The following TTN variants were observed in gnomAD, a reference collection of about 807,000 sequenced individuals.
The protein encoded by TTN is connectin.
A neutral mutation model predicts 3,223.0 loss-of-function variants in TTN; 1,525 were observed. The observed-to-expected ratio is 0.47, with a 90% CI of 0.45 to 0.49. The LOEUF (loss-of-function observed/expected upper bound fraction) is 0.49, where lower values mean the gene tolerates loss of function less well. TTN is among the 20% of genes least tolerant of loss of function. The pLI, the probability that TTN is intolerant of heterozygous loss-of-function variation, is 0.00. For synonymous variants in TTN, 14,094 were observed against 15,161.0 expected (o/e 0.93, Z 5.17); for missense variants, 40,786 against 43,424.0 (o/e 0.94, Z 5.40).
rs767475236 is a variant in TTN at position 178,545,960 on chromosome 2, T to G, written c.95276A>C (p.Glu31759Ala). ...ATAGGATAGGGTTGGGCATTCGCCT[T>G]CAACAATCACCCAGTTGAGCCTGCT... ...ETSRLNWVIVEGECPTLSYVV... is the reference protein window; with the variant it reads ...ETSRLNWVIVAGECPTLSYVV... Residue 31759 changes from glutamate (E) to alanine (A), a missense_variant, in exon 343 of 363, where the codon GAA (glutamate) becomes GCA (alanine). By Grantham distance (107) the Glu-to-Ala change is moderately radical. Transcript: ENST00000589042. The G allele has an allele frequency of 6.2e-7, 1 of 1,613,838 alleles. No individual in the cohort carries two copies. Among genetic ancestry groups the G allele is most frequent in the East Asian group, 2.2e-5 (1 of 44,856 alleles).
intron 47 of TTN, among the ~76,000 whole-genome samples, chr2:178,742,665 A>G (rs59479297): frequency 0.033 from 5,027 of 152,246 alleles, 274 homozygotes; most frequent in African/African-American, 0.11. Context: ...AGCAGTGCAT[A>G]ACAGAGACTC....
rs2092217877 is a variant in TTN at position 178,776,296 on chromosome 2, C to T, written c.5568G>A (p.Glu1856=). 1.9e-6 allele frequency: 3 copies of T among 1,613,956 alleles called. No homozygotes were observed. The highest frequency in any genetic ancestry group is 1.3e-5 in the African/African-American group (1 of 74,912). The part of the protein sequence containing the change: ...YPEPVRVLEG[E]TARFRCRVTG... Reference sequence around the variant, plus strand: ...TTACCCTGCAGCGGAACCTTGCAGTCTCCCCTTCAAGTACTCTAACTGGCT... The same window carrying T: ...TTACCCTGCAGCGGAACCTTGCAGTTTCCCCTTCAAGTACTCTAACTGGCT... The change falls in exon 28 of 363, where the codon GAG becomes GAA. Residue 1856 remains glutamate (E), a synonymous_variant. Transcript: ENST00000589042.
In TTN at chr2:178,739,887, T is replaced by A. The variant is rs1169144580; in HGVS notation, c.13346A>T (p.Lys4449Met). The change falls in exon 48 of 363, where the codon AAG (lysine) becomes ATG (methionine). Residue 4449 changes from lysine (K) to methionine (M), a missense_variant. By Grantham distance (95) the Lys-to-Met change is moderately conservative. Coordinates refer to ENST00000589042, the MANE Select transcript of TTN (RefSeq NM_001267550.2). The part of the protein sequence containing the change: ...IMCMYLVTSA[K>M]SVTEEVTIII... ...GATGGTTACTTCTTCTGTTACAGAC[T>A]TTGCCGAAGTAACAAGGTACATGCA... 1.2e-6 allele frequency: 2 copies of A among 1,613,896 alleles called. No individual in the cohort carries two copies. The highest frequency in any genetic ancestry group is 2.2e-5 in the South Asian group (2 of 91,078).
intron 47 of TTN, chr2:178,750,170 C>A (rs536436853): frequency 6.3e-5 from 102 of 1,612,990 alleles, no homozygotes; most frequent in Non-Finnish European, 8.2e-5. Context: ...ATTTGTTTGG[C>A]CCTCTTGACT....
At position 178,538,929 on chromosome 2, in the gene TTN, T is replaced by G; in HGVS notation, c.98989+17A>C. 1 of 1,595,648 alleles carries G rather than the reference T, an allele frequency of 6.3e-7. No individual in the cohort carries two copies. Among genetic ancestry groups the G allele is most frequent in the Non-Finnish European group, 8.6e-7 (1 of 1,168,674 alleles). On this transcript the variant is annotated intron_variant, in intron 353 of 362. Coordinates refer to ENST00000589042, the MANE Select transcript of TTN (RefSeq NM_001267550.2). ...GGCTTGCTTCTTTAATTTAACCCCT[T>G]CTTCTGAATTCCTTACCAAATGGAT...
In TTN at chr2:178,722,387, G is replaced by A. The variant is rs967100948; in HGVS notation, c.22400C>T (p.Thr7467Ile). The A allele has an allele frequency of 1.2e-6, 2 of 1,613,296 alleles. No homozygotes were observed. The highest frequency in any genetic ancestry group is 2.7e-5 in the African/African-American group (2 of 74,862). Residue 7467 changes from threonine (T) to isoleucine (I), a missense_variant, in exon 77 of 363, where the codon ACT becomes ATT. By Grantham distance (89) the Thr-to-Ile change is moderately conservative. Coordinates refer to ENST00000589042, the MANE Select transcript of TTN (RefSeq NM_001267550.2). ...VLLRDDENLQ[T>I]SFVDNVATLK... The stretch of plus-strand genomic sequence containing the variant: ...AGTTGCCACATTATCTACAAATGAA[G>A]TCTGTAGATTTTCATCGTCTCTTAA...
rs746467659 is a variant in TTN, at chr2:178,543,477, T to C, written c.96496A>G (p.Ile32166Val). 2 of 1,613,690 alleles carry C rather than the reference T, an allele frequency of 1.2e-6. No homozygotes were observed. Among genetic ancestry groups the C allele is most frequent in the East Asian group, 4.5e-5 (2 of 44,860 alleles). Residue 32166 changes from isoleucine to valine, a missense_variant, in exon 347 of 363, where the codon ATT (isoleucine) becomes GTT (valine). By Grantham distance (29) the Ile-to-Val change is conservative. Transcript: ENST00000589042. ...ATGGTTCCTTCTACAAGTCCAGAAA[T>C]TCTGTAAAGTGTCTTGCTGCATTTG... is the stretch of plus-strand genomic sequence containing the variant. Reference protein sequence around the residue: ...TTKCSKTLYRISGLVEGTMYY... With the variant: ...TTKCSKTLYRVSGLVEGTMYY...
intron 227 of TTN, 26 bp from the exon 228 acceptor site, chr2:178,635,330 A>G (rs753669797): frequency 1.2e-6 from 2 of 1,611,758 alleles, no homozygotes; most frequent in Non-Finnish European, 1.7e-6. Flanking sequence ...ATGAAGTAAC[A>G]TAATGCTTTA....
Position 178,534,467 on chromosome 2 carries a change from C to T in TTN, c.102148G>A (p.Val34050Ile), listed in dbSNP as rs1575280335. The change falls in exon 358 of 363, where the codon GTT (valine) becomes ATT (isoleucine). Residue 34050 changes from valine (V) to isoleucine (I), a missense_variant. Val to Ile is a conservative substitution (Grantham distance 29, BLOSUM62 3). Coordinates refer to ENST00000589042, the MANE Select transcript of TTN (RefSeq NM_001267550.2). ...CTCTCTTTCACTAACAACCGGTCAA[C>T]AAAATCCATGGCTTCAATGCTAATC... ...KEISIEAMDF[V>I]DRLLVKERKS... 6.8e-6 allele frequency: 11 copies of T among 1,613,554 alleles called. No homozygotes were observed. The Admixed American group carries it at 1.8e-4, about 27-fold the overall frequency.
In TTN at chr2:178,724,028, C is replaced by T. The variant is rs1392832988; in HGVS notation, c.21231G>A (p.Trp7077Ter). The T allele has an allele frequency of 1.2e-6, 2 of 1,613,550 alleles. No individual in the cohort carries two copies. Among genetic ancestry groups the T allele is most frequent in the East Asian group, 2.2e-5 (1 of 44,830 alleles). The change falls in exon 73 of 363, where the codon TGG becomes TGA. Residue 7077 changes from tryptophan (W) to a stop codon, truncating the protein, a stop_gained. Coordinates refer to ENST00000589042, the MANE Select transcript of TTN (RefSeq NM_001267550.2). LOFTEE classifies it high-confidence loss of function. ...VAGSSPISVAWFHEKTKIVSG... is the reference protein window; with the variant it reads ...VAGSSPISVA ...TGACAATCTTGGTTTTCTCATGAAA[C>T]CAGGCAACTGAAATAGGTGATGATC... is the stretch of plus-strand genomic sequence containing the variant.
chr2:178,542,909 G>C lies in TTN; in HGVS notation c.96945C>G (p.Thr32315=), dbSNP rs749915095. The C allele has an allele frequency of 6.2e-7, 1 of 1,611,892 alleles. No homozygotes were observed. Among genetic ancestry groups the C allele is most frequent in the East Asian group, 2.2e-5 (1 of 44,828 alleles). Residue 32315 remains threonine, a synonymous_variant, in exon 348 of 363, where the codon ACC becomes ACG. Transcript: ENST00000589042. ...TIDLSTMPQK[T]IHVPAGRPVE... ...CTGGTCTGCCAGCTGGGACATGGATGGTCTTCTGAGGCATTGTAGAAAGAT... is the reference window on the plus strand; with the variant it reads ...CTGGTCTGCCAGCTGGGACATGGATCGTCTTCTGAGGCATTGTAGAAAGAT...
At chr2:178,730,393 G>A (rs1422873753) in intron 61 of TTN, 22 bp from the exon 62 acceptor site, 10 of 1,555,882 alleles carry the variant, frequency 6.4e-6, no homozygotes, top group African/African-American at 1.4e-5. Flanking sequence ...GAAAAAACAA[G>A]CAAAAGAAAA....
In TTN at chr2:178,614,705, A is replaced by G. The variant is rs2056979046; in HGVS notation, c.48809T>C (p.Val16270Ala). Reference protein sequence around the residue: ...LDVKLLAGLTVKAGTKIELPA... With the variant: ...LDVKLLAGLTAKAGTKIELPA... ...AAGTTCAATCTTGGTCCCAGCTTTT[A>G]CAGTGAGACCAGCAAGGAGCTTCAC... Residue 16270 changes from valine to alanine, a missense_variant, in exon 261 of 363, where the codon GTA (valine) becomes GCA (alanine). By Grantham distance (64) the Val-to-Ala change is moderately conservative. Transcript: ENST00000589042. The G allele has an allele frequency of 1.9e-6, 3 of 1,612,014 alleles. No homozygotes were observed. The East Asian group carries it at 6.7e-5, about 36-fold the overall frequency.
rs1485727928 is a variant in TTN, at chr2:178,735,951, C to T, written c.14495G>A (p.Gly4832Asp). Residue 4832 changes from glycine (G) to aspartate (D), a missense_variant, in exon 50 of 363, where the codon GGT becomes GAT. By Grantham distance (94) the Gly-to-Asp change is moderately conservative. Transcript: ENST00000589042. ...PVIETIWQKD[G>D]AALSPSPNWR... is the part of the protein sequence containing the mutation. ...GTTAGGTGAAGGTGAGAGTGCAGCA[C>T]CATCTTTCTGCCAAATGGTTTCTAT... 4 of 1,613,734 alleles carry T rather than the reference C, an allele frequency of 2.5e-6. No individual in the cohort carries two copies. The East Asian group carries it at 6.7e-5, about 27-fold the overall frequency.
chr2:178,553,028 G>A lies in TTN; in HGVS notation c.89872C>T (p.Leu29958Phe), dbSNP rs1700014716. Residue 29958 changes from leucine (L) to phenylalanine (F), a missense_variant, in exon 335 of 363, where the codon CTC (leucine) becomes TTC (phenylalanine). Leu to Phe is a conservative substitution (Grantham distance 22). Transcript: ENST00000589042. ...ATTATTGGAGATCCTCCATCAATGA[G>A]AGGAGGATCCCAGAGCAAAGTGACT... ...GTVTLLWDPPLIDGGSPIINY... is the reference protein window; with the variant it reads ...GTVTLLWDPPFIDGGSPIINY... 2 of 1,611,642 alleles carry A rather than the reference G, an allele frequency of 1.2e-6. No homozygotes were observed. The highest frequency in any genetic ancestry group is 1.7e-6 in the Non-Finnish European group (2 of 1,179,642).
At position 178,541,758 on chromosome 2, in the gene TTN, TTTAA is replaced by T. The variant is rs200150647; in HGVS notation, c.97493-178_97493-175del. The T allele has an allele frequency of 4.0e-3, 1,505 of 377,934 alleles. 22 individuals carry two copies. Among genetic ancestry groups the T allele is most frequent in the African/African-American group, 0.029 (1,403 of 47,792 alleles). The allele number at this position is 377,934 out of a possible 1,614,324, so 23.4% of individuals were successfully genotyped here. A position where few individuals can be genotyped will look rare whatever the true frequency, so the allele number is the denominator to read the frequency against. On this transcript the variant is annotated intron_variant, in intron 349 of 362. Coordinates refer to ENST00000589042, the MANE Select transcript of TTN (RefSeq NM_001267550.2). ...TATTTGTAAATTTTAATTTAAATCA[TTTAA>T]TTATTTAATTATTTTTATTAAAAAT...
In TTN at chr2:178,782,286, T is replaced by A; in HGVS notation, c.3306A>T (p.Gly1102=). ...GCTTTGGGTTGCCGCCAACTTGGCA[T>A]CCAAACACCACGCTCCCACCTTCCA... ...KLVEGGSVVF[G]CQVGGNPKPH... is the part of the protein sequence containing the mutation. The change falls in exon 20 of 363, where the codon GGA becomes GGT. Residue 1102 remains glycine (G), a synonymous_variant. Transcript: ENST00000589042. 6.2e-7 allele frequency: 1 copy of A among 1,614,132 alleles called. No individual in the cohort carries two copies.
intron 213 of TTN, 34 bp from the exon 214 acceptor site, chr2:178,647,498 T>C (rs1278451900): frequency 6.5e-7 from 1 of 1,541,508 alleles, no homozygotes; most frequent in Admixed American, 2.0e-5. Context: ...CTATTAAGAA[T>C]TTAGAAGACA....
At position 178,563,781 on chromosome 2, in the gene TTN, C is replaced by T. The variant is rs528438328; in HGVS notation, c.82351G>A (p.Gly27451Arg). The T allele has an allele frequency of 6.2e-7, 1 of 1,613,718 alleles. No homozygotes were observed. The highest frequency in any genetic ancestry group is 1.3e-5 in the African/African-American group (1 of 75,004). Residue 27451 changes from glycine (G) to arginine (R), a missense_variant, in exon 326 of 363, where the codon GGA becomes AGA. Physicochemically the swap from Gly to Arg is moderately radical, Grantham distance 125 (BLOSUM62 -2). Coordinates refer to ENST00000589042, the MANE Select transcript of TTN (RefSeq NM_001267550.2). The surrounding 1 kb of genome is among the most constrained non-coding windows in gnomAD (Gnocchi z 4.5). ...CCAGATTCCAAGGGCTCTCCAATTCCATATTTATTCACAGCCATGACACGG... is the reference window on the plus strand; with the variant it reads ...CCAGATTCCAAGGGCTCTCCAATTCTATATTTATTCACAGCCATGACACGG... ...IFRVMAVNKYGIGEPLESGPV... is the reference protein window; with the variant it reads ...IFRVMAVNKYRIGEPLESGPV...
Sources: gnomAD v4.1 joint callset for allele counts (sites outside exome capture counted in the v4.1 genomes callset) on GRCh38, gnomAD v4.1.1 for gene constraint, Gnocchi (gnomAD v3.1) non-coding constraint, MANE v1.5 for transcripts, NCBI Gene and HGNC (gene_info 2026-07-23, HGNC 2026-07-21) for gene names.